RASSF2: variants seen among roughly 807,000 people sequenced by gnomAD.
The protein encoded by RASSF2 is Ras association domain family member 2.
A neutral mutation model predicts 46.3 loss-of-function variants in RASSF2; 34 were observed. The ratio of observed to expected loss-of-function variants is 0.73; its 90% CI spans 0.56 to 0.98. RASSF2 has a LOEUF of 0.98. Ranked by LOEUF, RASSF2 falls within the 50% of genes least tolerant of loss-of-function variation. The pLI, the probability that RASSF2 is intolerant of heterozygous loss-of-function variation, is 0.00. For synonymous variants in RASSF2, 158 were observed against 162.5 expected, an observed-to-expected ratio of 0.97 and a Z score of 0.21; for missense variants, 364 against 431.2, an observed-to-expected ratio of 0.84 and a Z score of 1.38.
intron 2 of RASSF2, among the ~76,000 whole-genome samples, chr20:4,813,700 GCA>G (rs1252813745): frequency 1.3e-5 from 2 of 152,238 alleles, no homozygotes; most frequent in African/African-American, 2.4e-5. Flanking sequence ...CATAAAGGAA[GCA>G]CAGACTCCAG....
rs562645173 is a variant in RASSF2 at position 4,792,213 on chromosome 20, C to T, written c.376+326G>A. Among the ~76,000 whole-genome samples, 178 of 135,596 alleles carry T rather than the reference C, an allele frequency of 1.3e-3. 1 individual carries two copies. The highest frequency in any genetic ancestry group is 8.5e-3 in the Middle Eastern group (2 of 234). The allele number at this position is 135,596 out of a possible 152,430, so 89.0% of individuals were successfully genotyped here. ...CAAGATTGCACTACTGCACTGCATC[C>T]TCCTGAGTGACAGAGGGAGATGGGA... On this transcript the variant is annotated intron_variant, in intron 6 of 11. Coordinates refer to ENST00000379400, the MANE Select transcript of RASSF2 (RefSeq NM_014737.3).
chr20:4,797,962 G>T, intron 4 of RASSF2, 48 bp downstream of exon 4: 1 of 1,610,334 alleles, frequency 6.2e-7, no homozygotes, highest in South Asian at 1.1e-5. Context: ...GACACATGGT[G>T]ACAAGCCCTG....
chr20:4,815,196 C>G (rs917286235), intron 2 of RASSF2: 6 of 152,264 alleles, frequency 3.9e-5, no homozygotes, highest in Non-Finnish European at 5.9e-5. Flanking sequence ...GTCACGTGAC[C>G]TGGTTTCCCT....
At chr20:4,808,673 A>T (rs912559033) in intron 2 of RASSF2, among the ~76,000 whole-genome samples, 5 of 152,026 alleles carry the variant, frequency 3.3e-5, no homozygotes, top group Non-Finnish European at 5.9e-5. Flanking sequence ...TTTTGTAAAG[A>T]TGGAGTCTCA....
At chr20:4,809,299 A>T (rs771264567) in intron 2 of RASSF2, among the ~76,000 whole-genome samples, 2 of 152,098 alleles carry the variant, frequency 1.3e-5, no homozygotes, top group Non-Finnish European at 2.9e-5. Flanking sequence ...ATATGATGAC[A>T]TCCCAGCCAC....
At chr20:4,811,513 G>A (rs571591763) in intron 2 of RASSF2, among the ~76,000 whole-genome samples, 11 of 152,306 alleles carry the variant, frequency 7.2e-5, no homozygotes, top group African/African-American at 2.2e-4. Context: ...GGTAGGGAAA[G>A]AGCTGTGTAG....
intron 2 of RASSF2, among the ~76,000 whole-genome samples, chr20:4,817,092 T>C (rs968893853): frequency 4.6e-5 from 7 of 151,808 alleles, no homozygotes; most frequent in African/African-American, 1.7e-4. Context: ...GCAACAAGAG[T>C]GAAACTACAT....
At chr20:4,821,079 G>A (rs893030506) in intron 2 of RASSF2, among the ~76,000 whole-genome samples, 6 of 152,128 alleles carry the variant, frequency 3.9e-5, no homozygotes, top group Admixed American at 2.0e-4. Context: ...AGCAGCTCAC[G>A]TATGGAACGC....
chr20:4,811,392 G>C (rs1001776752), intron 2 of RASSF2, among the ~76,000 whole-genome samples: 1 of 151,982 alleles, frequency 6.6e-6, no homozygotes, highest in African/African-American at 2.4e-5. Context: ...CCAGATTGCA[G>C]CCCAGATCAA....
chr20:4,822,845 G>T (rs1333679951), intron 1 of RASSF2, among the ~76,000 whole-genome samples: 3 of 152,098 alleles, frequency 2.0e-5, no homozygotes, highest in Non-Finnish European at 4.4e-5. Context: ...AGACGGCGGC[G>T]GACTGGGGTC....
intron 10 of RASSF2, among the ~76,000 whole-genome samples, chr20:4,786,779 G>A (rs1297348804): frequency 6.6e-6 from 1 of 152,106 alleles, no homozygotes; most frequent in Non-Finnish European, 1.5e-5. Context: ...GTGGCTATGG[G>A]GTGAGTTAAA....
intron 2 of RASSF2, among the ~76,000 whole-genome samples, chr20:4,813,513 C>T (rs1433377853): frequency 6.6e-6 from 1 of 152,228 alleles, no homozygotes; most frequent in East Asian, 1.9e-4. Flanking sequence ...AGAAGGCCAC[C>T]GCTGGGCCCA....
chr20:4,788,587 T>TA (rs1368949595), intron 8 of RASSF2, among the ~76,000 whole-genome samples: 1 of 152,216 alleles, frequency 6.6e-6, no homozygotes, highest in South Asian at 2.1e-4. Flanking sequence ...GGCCATATGG[T>TA]ATATAGCCTA....
chr20:4,796,117 C>T (rs1439711796), intron 4 of RASSF2, 151 bp from the exon 5 acceptor site: 23 of 707,830 alleles, frequency 3.2e-5, no homozygotes, highest in Non-Finnish European at 3.9e-5. Flanking sequence ...CAGTTCACAC[C>T]GCAGCTCTGA....
At chr20:4,792,759 T>G (rs1280229481) in intron 5 of RASSF2, 132 bp from the exon 6 acceptor site, 1 of 1,455,854 alleles carries the variant, frequency 6.9e-7, no homozygotes, top group Admixed American at 2.7e-5. Flanking sequence ...CTGGCACACA[T>G]CAGGTGATGA....
chr20:4,811,633 A>C (rs576823327), intron 2 of RASSF2, among the ~76,000 whole-genome samples: 3 of 152,112 alleles, frequency 2.0e-5, no homozygotes, highest in Admixed American at 2.0e-4. Context: ...CCTACTACTA[A>C]TATTTCCAAG....
At chr20:4,804,394 G>A (rs1927169877) in intron 2 of RASSF2, among the ~76,000 whole-genome samples, 1 of 127,872 alleles carries the variant, frequency 7.8e-6, no homozygotes, top group Non-Finnish European at 1.6e-5. Context: ...CTGGAATGCA[G>A]TGGTGCGATC....
In RASSF2 at chr20:4,784,427, A is replaced by G. The variant is rs532660515; in HGVS notation, c.912-85T>C. On this transcript the variant is annotated intron_variant, in intron 11 of 11. Transcript: ENST00000379400. ...CTTCCCGGCCACCTGGGTAACACCA[A>G]GGTCACACCAGGTAACAGTGCAGTC... is the stretch of plus-strand genomic sequence containing the variant. The G allele has an allele frequency of 1.4e-4, 172 of 1,252,984 alleles. No individual in the cohort carries two copies. In the African/African-American group the frequency reaches 2.2e-3, roughly 16 times the overall value. The allele number at this position is 1,252,984 out of a possible 1,614,324, so 77.6% of individuals were successfully genotyped here.
rs189264976 is a variant in RASSF2, at chr20:4,822,219, C to T, written c.-33+110G>A. ...GAATCATTGTTTCTAATTCTTTCCT[C>T]CCATTGTACTAAGATCAACTGTGGC... On this transcript the variant is annotated intron_variant, in intron 2 of 11. Transcript: ENST00000379400. 9.2e-5 allele frequency: 14 copies of T among 152,382 alleles called. No individual in the cohort carries two copies. The East Asian group carries it at 2.7e-3, about 29-fold the overall frequency. 9.4% of individuals were successfully genotyped at this position (152,382 alleles called of 1,614,324 possible).
Sources: gnomAD v4.1 joint callset for allele counts (sites outside exome capture counted in the v4.1 genomes callset) on GRCh38, gnomAD v4.1.1 for gene constraint, MANE v1.5 for transcripts, NCBI Gene and HGNC (gene_info 2026-07-23, HGNC 2026-07-21) for gene names.